The following MEI1 variants were observed in gnomAD, a reference collection of about 807,000 sequenced individuals.
MEI1 encodes meiotic double-stranded break formation protein 1.
MEI1 carries 103 observed loss-of-function variants against 146.2 expected under a neutral mutation model. The observed-to-expected ratio is 0.70, with a 90% CI of 0.60 to 0.83. MEI1 has a LOEUF of 0.83. Ranked by LOEUF, MEI1 falls within the 40% of genes least tolerant of loss-of-function variation. The pLI is 0.00. For synonymous variants in MEI1, 652 were observed against 628.2 expected, an observed-to-expected ratio of 1.04 and a Z score of -0.57; for missense variants, 1,529 against 1,533.0, an observed-to-expected ratio of 1.00 and a Z score of 0.04.
chr22:41,719,900 A>C (rs1269724868), intron 6 of MEI1, among the ~76,000 whole-genome samples: 3 of 152,198 alleles, frequency 2.0e-5, no homozygotes, highest in African/African-American at 7.2e-5. Flanking sequence ...AGAAAAGCAT[A>C]GTCTATTGGT....
rs759214023 is a variant in MEI1, at chr22:41,699,508, A to C, written c.-31A>C. The C allele has an allele frequency of 6.9e-6, 11 of 1,590,192 alleles. No individual in the cohort carries two copies. Among genetic ancestry groups the C allele is most frequent in the Admixed American group, 5.2e-5 (3 of 58,038 alleles). On this transcript the variant is annotated 5_prime_UTR_variant, in exon 1 of 31. Coordinates refer to ENST00000401548, the MANE Select transcript of MEI1 (RefSeq NM_152513.4). Reference sequence around the variant, plus strand: ...CATGCGTGCAGTCTGCGCGGGAAAGAGTGCCGCCTCAGCTGAGGGCAAGCG... The same window carrying C: ...CATGCGTGCAGTCTGCGCGGGAAAGCGTGCCGCCTCAGCTGAGGGCAAGCG...
At chr22:41,796,840 G>A (rs548613520) in intron 30 of MEI1, among the ~76,000 whole-genome samples, 3 of 152,072 alleles carry the variant, frequency 2.0e-5, no homozygotes, top group Admixed American at 6.5e-5. Flanking sequence ...CTAGCTACTC[G>A]GGAGGCTGAG....
Position 41,743,133 on chromosome 22 carries a change from T to C in MEI1, c.1385T>C (p.Leu462Pro). 6.2e-7 allele frequency: 1 copy of C among 1,613,362 alleles called. No individual in the cohort carries two copies. The highest frequency in any genetic ancestry group is 8.5e-7 in the Non-Finnish European group (1 of 1,179,806). ...CAGTATGGGGAACTGCAGGCTTTGC[T>C]AGAAGCCATGCTAAACCGATGTGCG... ...PVQYGELQAL[L>P]EAMLNRCAEF... Residue 462 changes from leucine to proline, a missense_variant, in exon 12 of 31, where the codon CTA becomes CCA. By Grantham distance (98) the Leu-to-Pro change is moderately conservative. Coordinates refer to ENST00000401548, the MANE Select transcript of MEI1 (RefSeq NM_152513.4).
intron 30 of MEI1, among the ~76,000 whole-genome samples, chr22:41,797,737 GA>G (rs1338434353): frequency 1.3e-5 from 2 of 151,542 alleles, no homozygotes; most frequent in African/African-American, 4.9e-5. Flanking sequence ...TACAAAATTC[GA>G]AAAAAAATCT....
At chr22:41,713,139 G>T (rs2069757307) in intron 3 of MEI1, among the ~76,000 whole-genome samples, 1 of 152,046 alleles carries the variant, frequency 6.6e-6, no homozygotes, top group Non-Finnish European at 1.5e-5. Flanking sequence ...AGCTTCCTAG[G>T]TGAGTCTAAT....
chr22:41,730,380 G>T (rs1601792815), intron 8 of MEI1, 141 bp from the exon 9 acceptor site: 1 of 602,856 alleles, frequency 1.7e-6, no homozygotes, highest in Non-Finnish European at 3.0e-6. Context: ...GTGGATTGAT[G>T]ATCATGACTC....
chr22:41,771,952 A>G (rs903319804), intron 20 of MEI1, among the ~76,000 whole-genome samples: 1 of 152,196 alleles, frequency 6.6e-6, no homozygotes, highest in Non-Finnish European at 1.5e-5. Context: ...CTGTCCAGGG[A>G]TAGTAGTGAC....
intron 19 of MEI1, among the ~76,000 whole-genome samples, chr22:41,765,249 C>A (rs1325268921): frequency 3.9e-5 from 6 of 152,198 alleles, no homozygotes; most frequent in Non-Finnish European, 8.8e-5. Flanking sequence ...CTCCTGACCT[C>A]AGGCGATCCA....
chr22:41,712,904 A>T (rs2069730935), intron 3 of MEI1, among the ~76,000 whole-genome samples: 1 of 148,826 alleles, frequency 6.7e-6, no homozygotes. Flanking sequence ...CACCTCCCAG[A>T]TTCATGCCAT....
At chr22:41,742,978 G>T (rs2073004466) in intron 11 of MEI1, 102 bp from the exon 12 acceptor site, 6 of 762,898 alleles carry the variant, frequency 7.9e-6, no homozygotes, top group Non-Finnish European at 1.4e-5. Flanking sequence ...TAGATTCCAT[G>T]TTCTGATCCA....
intron 11 of MEI1, among the ~76,000 whole-genome samples, chr22:41,733,262 G>A (rs964067575): frequency 6.6e-6 from 1 of 150,956 alleles, no homozygotes; most frequent in Non-Finnish European, 1.5e-5. Context: ...ACCAGCCTGG[G>A]CAACACAACA....
chr22:41,798,119 AC>A (rs2076428657), intron 30 of MEI1, among the ~76,000 whole-genome samples: 1 of 5,652 alleles, frequency 1.8e-4, no homozygotes, highest in Admixed American at 2.5e-3. Context: ...TCAGCCCAAC[AC>A]ACACACACAC....
intron 11 of MEI1, among the ~76,000 whole-genome samples, chr22:41,739,403 A>G (rs1376722980): frequency 6.6e-6 from 1 of 151,752 alleles, no homozygotes; most frequent in Non-Finnish European, 1.5e-5. Flanking sequence ...CAGCACCCCA[A>G]CTCTTCTTTT....
At chr22:41,734,677 G>A (rs1398524338) in intron 11 of MEI1, among the ~76,000 whole-genome samples, 3 of 152,044 alleles carry the variant, frequency 2.0e-5, no homozygotes, top group East Asian at 1.9e-4. Flanking sequence ...TCGCTCTGTC[G>A]CCCAGGCTGG....
chr22:41,700,777 T>TTTTTTTTAA (rs2068653203), intron 1 of MEI1, among the ~76,000 whole-genome samples: 1 of 109,266 alleles, frequency 9.2e-6, no homozygotes, highest in African/African-American at 3.1e-5. Flanking sequence ...TTTTTTTTTG[T>TTTTTTTTAA]AGAAACGGTC....
chr22:41,699,852 A>C (rs1055399896), intron 1 of MEI1, 140 bp downstream of exon 1: 1 of 1,147,522 alleles, frequency 8.7e-7, no homozygotes, highest in African/African-American at 1.6e-5. Flanking sequence ...CCTCCCTGTC[A>C]GCCCGTCCCG....
intron 24 of MEI1, among the ~76,000 whole-genome samples, chr22:41,783,984 G>T (rs1277550934): frequency 6.6e-6 from 1 of 152,202 alleles, no homozygotes; most frequent in African/African-American, 2.4e-5. Flanking sequence ...TACCTGACTT[G>T]AGAGCCAGGA....
intron 2 of MEI1, among the ~76,000 whole-genome samples, chr22:41,704,959 C>T (rs964502351): frequency 2.0e-5 from 3 of 152,246 alleles, no homozygotes; most frequent in African/African-American, 7.2e-5. Context: ...CGTGATCCAC[C>T]TGCCTCAGCC....
At position 41,718,256 on chromosome 22, in the gene MEI1, C is replaced by T; in HGVS notation, c.715C>T (p.Leu239=). ...SILDGAQTKE[L]QINCLGLLRQ... is the part of the protein sequence containing the mutation. Reference sequence around the variant, plus strand: ...CCTGGATGGTGCCCAGACAAAGGAGCTGCAGATTAACTGCTTGGGTAAGAC... The same window carrying T: ...CCTGGATGGTGCCCAGACAAAGGAGTTGCAGATTAACTGCTTGGGTAAGAC... Residue 239 remains leucine (L), a synonymous_variant, in exon 6 of 31, where the codon CTG becomes TTG. Coordinates refer to ENST00000401548, the MANE Select transcript of MEI1 (RefSeq NM_152513.4). 6.2e-7 allele frequency: 1 copy of T among 1,613,936 alleles called. No individual in the cohort carries two copies. The highest frequency in any genetic ancestry group is 8.5e-7 in the Non-Finnish European group (1 of 1,179,868).
Sources: gnomAD v4.1 joint callset for allele counts (sites outside exome capture counted in the v4.1 genomes callset) on GRCh38, gnomAD v4.1.1 for gene constraint, MANE v1.5 for transcripts, NCBI Gene and HGNC (gene_info 2026-07-23, HGNC 2026-07-21) for gene names.